INVS: variants seen among roughly 807,000 people sequenced by gnomAD.
INVS encodes the protein inversin.
In INVS, 86 loss-of-function variants were observed where a neutral mutation model predicts 108.8. The ratio of observed to expected loss-of-function variants is 0.79; its 90% confidence interval spans 0.66 to 0.95. INVS has a LOEUF of 0.95. Among genes scored for constraint, INVS ranks in the 40% least tolerant of loss-of-function variants. The pLI, the probability that INVS is intolerant of heterozygous loss-of-function variation, is 0.00. For synonymous variants in INVS, 455 were observed against 473.5 expected, an observed-to-expected ratio of 0.96 and a Z score of 0.51; for missense variants, 1,169 against 1,297.4, an observed-to-expected ratio of 0.90 and a Z score of 1.52.
chr9:100,202,486 T>C (rs1830560559), intron 3 of INVS, among the ~76,000 whole-genome samples: 1 of 152,202 alleles, frequency 6.6e-6, no homozygotes, highest in African/African-American at 2.4e-5. Flanking sequence ...AAGAGAATGA[T>C]AGAGTTTCCT....
intron 4 of INVS, among the ~76,000 whole-genome samples, chr9:100,227,807 C>A (rs988872621): frequency 1.3e-5 from 2 of 152,082 alleles, no homozygotes; most frequent in African/African-American, 4.8e-5. Flanking sequence ...CAGCAACTGC[C>A]TGTCCAACCT....
chr9:100,180,820 CAACAAAAA>C (rs951288891), intron 3 of INVS, among the ~76,000 whole-genome samples: 1 of 151,742 alleles, frequency 6.6e-6, no homozygotes. Context: ...GGCAGAGACA[CAACAAAAA>C]AAGAAAATTT....
intron 3 of INVS, chr9:100,215,013 C>T (rs4273907): frequency 0.11 from 16,015 of 152,150 alleles, 1,703 homozygotes; most frequent in East Asian, 0.53. Context: ...CCAATCATCC[C>T]CTACTTGTGC....
intron 3 of INVS, among the ~76,000 whole-genome samples, chr9:100,163,881 A>T (rs889182044): frequency 6.6e-6 from 1 of 152,178 alleles, no homozygotes; most frequent in Non-Finnish European, 1.5e-5. Context: ...CTATTTAATG[A>T]TTCTACTTTT....
chr9:100,224,607 A>C (rs906281398), intron 3 of INVS, among the ~76,000 whole-genome samples: 28 of 151,916 alleles, frequency 1.8e-4, no homozygotes, highest in African/African-American at 6.3e-4. Flanking sequence ...TGGCCCTTGT[A>C]ACTAAGCTTC....
chr9:100,173,373 C>T (rs1829607179), intron 3 of INVS, among the ~76,000 whole-genome samples: 1 of 152,146 alleles, frequency 6.6e-6, no homozygotes, highest in Admixed American at 6.5e-5. Flanking sequence ...GAGTAGAAAT[C>T]TGCATTCTTA....
intron 3 of INVS, among the ~76,000 whole-genome samples, chr9:100,142,671 A>G (rs561153630): frequency 6.6e-6 from 1 of 152,206 alleles, no homozygotes; most frequent in Non-Finnish European, 1.5e-5. Context: ...TGCATCAGGT[A>G]TGAGGAAGAA....
chr9:100,263,577 T>A (rs1832696310), intron 10 of INVS, among the ~76,000 whole-genome samples: 2 of 152,196 alleles, frequency 1.3e-5, no homozygotes, highest in African/African-American at 4.8e-5. Context: ...TGTGATTAGA[T>A]CAGGCCTACC....
At chr9:100,295,596 A>G (rs921734048) in intron 14 of INVS, among the ~76,000 whole-genome samples, 4 of 152,170 alleles carry the variant, frequency 2.6e-5, no homozygotes, top group Non-Finnish European at 5.9e-5. Flanking sequence ...GGACAGGTGG[A>G]GGATGGAGAA....
intron 10 of INVS, among the ~76,000 whole-genome samples, chr9:100,259,711 G>A (rs749907284): frequency 5.9e-5 from 9 of 151,386 alleles, no homozygotes; most frequent in Non-Finnish European, 1.3e-4. Flanking sequence ...CACCATGCCT[G>A]GCTAATTTTT....
chr9:100,152,741 A>G (rs1258401569), intron 3 of INVS, among the ~76,000 whole-genome samples: 1 of 152,244 alleles, frequency 6.6e-6, no homozygotes, highest in African/African-American at 2.4e-5. Context: ...TAGTAAAATT[A>G]ACATTTCACC....
At chr9:100,190,719 T>C (rs189588598) in intron 3 of INVS, among the ~76,000 whole-genome samples, 26 of 152,336 alleles carry the variant, frequency 1.7e-4, no homozygotes, top group Non-Finnish European at 3.7e-4. Context: ...GTAAAGTTTC[T>C]GCTGAGAAGG....
chr9:100,150,476 G>T lies in INVS; in HGVS notation c.273+23927G>T, dbSNP rs568502513. The stretch of plus-strand genomic sequence containing the variant: ...GCTTGTTTTTCATTAGACTCATGCT[G>T]GTTTCTTTTAAACTCTGGGCACAGG... On this transcript the variant is annotated intron_variant, in intron 3 of 16. Transcript: ENST00000262457. Among the ~76,000 whole-genome samples, 191 of 152,210 alleles carry T rather than the reference G, an allele frequency of 1.3e-3. 1 individual carries two copies. The highest frequency in any genetic ancestry group is 2.7e-3 in the Admixed American group (41 of 15,290).
At chr9:100,275,239 A>G (rs891879445) in intron 12 of INVS, among the ~76,000 whole-genome samples, 1 of 152,238 alleles carries the variant, frequency 6.6e-6, no homozygotes, top group Admixed American at 6.5e-5. Context: ...GATAATACAC[A>G]TGACAAATTA....
intron 14 of INVS, among the ~76,000 whole-genome samples, chr9:100,296,153 T>C (rs1057316540): frequency 6.6e-6 from 1 of 152,186 alleles, no homozygotes; most frequent in African/African-American, 2.4e-5. Context: ...TGTTGCTCTC[T>C]GCAGCTACCT....
At chr9:100,128,029 TG>T (rs1252043100) in intron 3 of INVS, among the ~76,000 whole-genome samples, 1 of 152,162 alleles carries the variant, frequency 6.6e-6, no homozygotes, top group African/African-American at 2.4e-5. Flanking sequence ...GCTTCAAAAA[TG>T]TAGAGTGAAG....
chr9:100,163,150 T>A (rs1829244445), intron 3 of INVS, among the ~76,000 whole-genome samples: 1 of 151,590 alleles, frequency 6.6e-6, no homozygotes, highest in Non-Finnish European at 1.5e-5. Flanking sequence ...GCCACTGGGG[T>A]GACCCTAACT....
chr9:100,175,419 A>C (rs1829680217), intron 3 of INVS: 1 of 911,052 alleles, frequency 1.1e-6, no homozygotes, highest in Non-Finnish European at 1.8e-6. Flanking sequence ...AGTCCTGGTC[A>C]AGAAACAGAT....
intron 6 of INVS, among the ~76,000 whole-genome samples, chr9:100,241,678 A>G (rs911310372): frequency 6.6e-6 from 1 of 152,222 alleles, no homozygotes; most frequent in Non-Finnish European, 1.5e-5. Context: ...TAGAGTAACT[A>G]TGTGGCAAAG....
Sources: gnomAD v4.1 joint callset for allele counts (sites outside exome capture counted in the v4.1 genomes callset) on GRCh38, gnomAD v4.1.1 for gene constraint, MANE v1.5 for transcripts, NCBI Gene and HGNC (gene_info 2026-07-23, HGNC 2026-07-21) for gene names.